THNSL1: variants seen among roughly 807,000 people sequenced by gnomAD.
The protein encoded by THNSL1 is threonine synthase-like 1.
THNSL1 carries 48 observed loss-of-function variants against 50.4 expected under a neutral mutation model. The observed-to-expected ratio is 0.95, with a 90% confidence interval of 0.76 to 1.21. The LOEUF is 1.21. Among genes scored for constraint, THNSL1 ranks in the 50% most tolerant of loss-of-function variants. The pLI is 0.00. For missense variants in THNSL1, 896 were observed against 871.7 expected (o/e 1.03, Z -0.35); for synonymous variants, 309 against 306.1 (o/e 1.01, Z -0.10).
chr10:25,025,273 A>G lies in THNSL1; in HGVS notation c.2050A>G (p.Ile684Val). ...CATGCAGGCTTTAAAGATTAAAGAAATCAATGAGACTTCATCAAGTCAGCT... is the reference window on the plus strand; with the variant it reads ...CATGCAGGCTTTAAAGATTAAAGAAGTCAATGAGACTTCATCAAGTCAGCT... Reference protein sequence around the residue: ...AIMQALKIKEINETSSSQLYL... With the variant: ...AIMQALKIKEVNETSSSQLYL... The change falls in exon 3 of 3, where the codon ATC becomes GTC. Residue 684 changes from isoleucine (I) to valine (V), a missense_variant. By Grantham distance (29) the Ile-to-Val change is conservative. Coordinates refer to ENST00000376356, the MANE Select transcript of THNSL1 (RefSeq NM_024838.5). The G allele has an allele frequency of 2.5e-6, 4 of 1,614,238 alleles. No individual in the cohort carries two copies.
At chr10:24,992,882 C>A in the THNSL1 span, among the ~76,000 whole-genome samples, 1,587 of 152,282 alleles carry the variant, frequency 0.01, 31 homozygotes, top group Middle Eastern at 0.037. Flanking sequence ...ACAGGCCAAT[C>A]CACTTCAGGA....
chr10:25,024,036 G>C lies in THNSL1; in HGVS notation c.813G>C (p.Glu271Asp). The change falls in exon 3 of 3, where the codon GAG becomes GAC. Residue 271 changes from glutamate (E) to aspartate (D), a missense_variant. Physicochemically the swap from Glu to Asp is conservative, Grantham distance 45. Coordinates refer to ENST00000376356, the MANE Select transcript of THNSL1 (RefSeq NM_024838.5). ...SDGGLFVPAK[E>D]FPKLSCGEWK... The stretch of plus-strand genomic sequence containing the variant: ...GTGGCCTCTTTGTTCCTGCAAAGGA[G>C]TTTCCAAAATTAAGCTGCGGGGAGT... The C allele has an allele frequency of 6.2e-7, 1 of 1,614,198 alleles. No individual in the cohort carries two copies. Among genetic ancestry groups the C allele is most frequent in the Middle Eastern group, 1.6e-4 (1 of 6,062 alleles).
upstream of THNSL1, among the ~76,000 whole-genome samples, chr10:25,011,811 C>A (rs1850451782): frequency 6.6e-6 from 1 of 152,262 alleles, no homozygotes; most frequent in Non-Finnish European, 1.5e-5. Flanking sequence ...AAAAGAAAAA[C>A]CAATTTTCTG....
the THNSL1 span, among the ~76,000 whole-genome samples, chr10:24,956,618 A>G: frequency 6.6e-6 from 1 of 152,130 alleles, no homozygotes; most frequent in African/African-American, 2.4e-5. Flanking sequence ...CAGGGTAATT[A>G]GCATACTCAT....
At chr10:24,998,160 T>C in the THNSL1 span, among the ~76,000 whole-genome samples, 18 of 152,178 alleles carry the variant, frequency 1.2e-4, no homozygotes, top group African/African-American at 4.3e-4. Context: ...TAAAGAGAAG[T>C]AGTTTCACTT....
At chr10:24,969,669 A>T in the THNSL1 span, among the ~76,000 whole-genome samples, 1 of 152,216 alleles carries the variant, frequency 6.6e-6, no homozygotes, top group Non-Finnish European at 1.5e-5. Flanking sequence ...CCATAGTTAC[A>T]AAGCCCCTGT....
the THNSL1 span, among the ~76,000 whole-genome samples, chr10:24,960,712 C>G: frequency 2.0e-5 from 3 of 152,076 alleles, no homozygotes; most frequent in Non-Finnish European, 2.9e-5. Flanking sequence ...CACGCCTAAT[C>G]CTCCCAAAGG....
chr10:24,964,586 C>T, the THNSL1 span, among the ~76,000 whole-genome samples: 339 of 152,238 alleles, frequency 2.2e-3, 3 homozygotes, highest in Non-Finnish European at 2.8e-3. Flanking sequence ...TTGGAATTTG[C>T]AGTTTATAAT....
chr10:25,018,659 G>GTTTT lies in THNSL1; in HGVS notation c.-216+1984_-216+1987dup, dbSNP rs374289213. Among the ~76,000 whole-genome samples the GTTTT allele has an allele frequency of 2.7e-3, 251 of 93,556 alleles. 15 individuals carry two copies. Among genetic ancestry groups the GTTTT allele is most frequent in the Middle Eastern group, 6.8e-3 (1 of 146 alleles). The allele number at this position is 93,556 out of a possible 152,430, so 61.4% of individuals were successfully genotyped here. On this transcript the variant is annotated intron_variant, in intron 1 of 2. Coordinates refer to ENST00000376356, the MANE Select transcript of THNSL1 (RefSeq NM_024838.5). Reference sequence around the variant, plus strand: ...TGATGTACATAAACAAATGAGAGTTGTTTTTTTTTTTTTTTTTTTTGCGAA... The same window carrying GTTTT: ...TGATGTACATAAACAAATGAGAGTTGTTTTTTTTTTTTTTTTTTTTTTTTGCGAA...
the THNSL1 span, among the ~76,000 whole-genome samples, chr10:24,968,646 T>C: frequency 6.6e-6 from 1 of 152,206 alleles, no homozygotes; most frequent in Non-Finnish European, 1.5e-5. Flanking sequence ...CTTTCTATCC[T>C]TAGCGTATTT....
At chr10:24,990,571 G>A in the THNSL1 span, 12 of 1,612,888 alleles carry the variant, frequency 7.4e-6, no homozygotes, top group African/African-American at 6.7e-5. Context: ...TTATTTCCTC[G>A]TTTCGCTTAC....
At chr10:24,974,274 AT>A in the THNSL1 span, among the ~76,000 whole-genome samples, 4 of 148,018 alleles carry the variant, frequency 2.7e-5, no homozygotes, top group African/African-American at 1.1e-4. Context: ...TTCTGATGTG[AT>A]TTTTAAAAAA....
chr10:25,010,629 G>A, the THNSL1 span, among the ~76,000 whole-genome samples: 9 of 146,506 alleles, frequency 6.1e-5, no homozygotes, highest in Non-Finnish European at 1.2e-4. Flanking sequence ...AGAGTGTGAT[G>A]TTCCCCTTCC....
chr10:24,960,459 G>C, the THNSL1 span, among the ~76,000 whole-genome samples: 1 of 151,396 alleles, frequency 6.6e-6, no homozygotes, highest in African/African-American at 2.4e-5. Flanking sequence ...ATGGAGCCTT[G>C]CTCTGTTTCT....
chr10:24,962,460 G>T, the THNSL1 span, among the ~76,000 whole-genome samples: 1 of 152,110 alleles, frequency 6.6e-6, no homozygotes. Flanking sequence ...CTTAAAATAA[G>T]CTCTATAGCA....
Position 25,025,630 on chromosome 10 carries a change from T to A in THNSL1, c.*175T>A. 1.6e-6 allele frequency: 1 copy of A among 635,830 alleles called. No homozygotes were observed. The highest frequency in any genetic ancestry group is 2.7e-6 in the Non-Finnish European group (1 of 365,760). 39.4% of individuals were successfully genotyped at this position (635,830 alleles called of 1,614,324 possible). A position where few individuals can be genotyped will look rare whatever the true frequency, so the allele number is the denominator to read the frequency against. On this transcript the variant is annotated 3_prime_UTR_variant, in exon 3 of 3. Transcript: ENST00000376356. ...GAGAACTCCATGTCACCTCCTCAGA[T>A]CTTTAATCTGGAAGTGACAAAAGGT...
the THNSL1 span, among the ~76,000 whole-genome samples, chr10:24,974,325 A>G: frequency 6.6e-6 from 1 of 152,204 alleles, no homozygotes; most frequent in Non-Finnish European, 1.5e-5. Context: ...ATCTATTGTA[A>G]GAAAATTAGC....
the THNSL1 span, among the ~76,000 whole-genome samples, chr10:24,981,555 G>T: frequency 4.9e-3 from 745 of 152,256 alleles, 4 homozygotes; most frequent in African/African-American, 0.017. Context: ...TCTATTGATG[G>T]TATGTTAATG....
At chr10:24,954,589 A>G in the THNSL1 span, among the ~76,000 whole-genome samples, 2 of 152,318 alleles carry the variant, frequency 1.3e-5, no homozygotes, top group East Asian at 3.9e-4. Flanking sequence ...AAATCCAACA[A>G]GTTCACAGTG....
Sources: allele counts gnomAD v4.1 joint callset (sites outside exome capture counted in the v4.1 genomes callset), GRCh38; gene constraint gnomAD v4.1.1; transcripts MANE v1.5; gene names NCBI Gene and HGNC (gene_info 2026-07-23, HGNC 2026-07-21).